ZNF730: variants seen among roughly 807,000 people sequenced by gnomAD.
The protein encoded by ZNF730 is zinc finger protein 730.
In ZNF730, 12 loss-of-function variants were observed where a neutral mutation model predicts 12.6. The observed-to-expected ratio is 0.95, with a 90% confidence interval of 0.61 to 1.54. The LOEUF (loss-of-function observed/expected upper bound fraction) is 1.54, where lower values mean the gene tolerates loss of function less well. Ranked by LOEUF, ZNF730 falls within the 40% of genes most tolerant of loss-of-function variation. The pLI, the probability that ZNF730 is intolerant of heterozygous loss-of-function variation, is 0.00. For synonymous variants in ZNF730, 194 were observed against 195.8 expected (o/e 0.99, Z 0.08); for missense variants, 643 against 583.5 (o/e 1.10, Z -1.05).
intron 2 of ZNF730, among the ~76,000 whole-genome samples, chr19:23,135,211 G>C: frequency 2.0e-5 from 1 of 50,258 alleles, no homozygotes; most frequent in African/African-American, 8.9e-5. Flanking sequence ...AAACACCCAA[G>C]AATGATCAAT....
rs1242713043 is a variant in ZNF730, at chr19:23,134,437, A to AG, written c.130+237dup. On this transcript the variant is annotated intron_variant, in intron 2 of 3. Coordinates refer to ENST00000597761, the MANE Select transcript of ZNF730 (RefSeq NM_001277403.2). Reference sequence around the variant, plus strand: ...GCCGCCCAGTCCGGGAGGGAGGCGGAGGGGGGTCGGCCAGCCGCCCTGTCC... The same window carrying AG: ...GCCGCCCAGTCCGGGAGGGAGGCGGAGGGGGGGTCGGCCAGCCGCCCTGTCC... Among the ~76,000 whole-genome samples, 11 of 114,476 alleles carry AG rather than the reference A, an allele frequency of 9.6e-5. No individual in the cohort carries two copies. In the East Asian group the frequency reaches 2.0e-3, roughly 21 times the overall value. 75.1% of individuals were successfully genotyped at this position (114,476 alleles called of 152,430 possible).
chr19:23,085,750 A>G (rs1205512364), intron 1 of ZNF730, among the ~76,000 whole-genome samples: 1 of 148,660 alleles, frequency 6.7e-6, no homozygotes, highest in African/African-American at 2.5e-5. Context: ...TGCTGACCTC[A>G]GGTGGTCCAC....
intron 1 of ZNF730, among the ~76,000 whole-genome samples, chr19:23,078,187 A>G (rs748748718): frequency 6.6e-6 from 1 of 152,174 alleles, no homozygotes; most frequent in Non-Finnish European, 1.5e-5. Flanking sequence ...AGGATTAGTA[A>G]AAGAGGAAGA....
chr19:23,147,016 G>GT lies in ZNF730; in HGVS notation c.*461dup. On this transcript the variant is annotated 3_prime_UTR_variant, in exon 4 of 4. Transcript: ENST00000597761. The stretch of plus-strand genomic sequence containing the variant: ...CATTAAATTGTTGTCACATTTAATT[G>GT]TAGGTAAGGTGATTCATACTGGAGA... The GT allele has an allele frequency of 3.3e-6, 1 of 306,948 alleles. No homozygotes were observed. Among genetic ancestry groups the GT allele is most frequent in the Non-Finnish European group, 6.2e-6 (1 of 160,446 alleles). The allele number at this position is 306,948 out of a possible 1,614,324, so 19.0% of individuals were successfully genotyped here. A position where few individuals can be genotyped will look rare whatever the true frequency, so the allele number is the denominator to read the frequency against.
upstream of ZNF730, among the ~76,000 whole-genome samples, chr19:23,114,300 C>CTTTTTTTTTT (rs11413226): frequency 0.016 from 1,897 of 119,142 alleles, 112 homozygotes; most frequent in African/African-American, 0.031. Context: ...TTTTCTTTTT[C>CTTTTTTTTTT]TTTTCTTTTT....
At chr19:23,106,791 CAA>C (rs538343920) in intron 1 of ZNF730, among the ~76,000 whole-genome samples, 26 of 63,590 alleles carry the variant, frequency 4.1e-4, no homozygotes, top group Non-Finnish European at 5.0e-4. Flanking sequence ...AACTGCGTCT[CAA>C]AAAAAAAAAA....
intron 1 of ZNF730, among the ~76,000 whole-genome samples, chr19:23,077,719 G>A (rs111244295): frequency 0.012 from 1,776 of 152,208 alleles, 34 homozygotes; most frequent in African/African-American, 0.04. Flanking sequence ...TGGGGTTACA[G>A]GCGTGAGGCA....
At chr19:23,114,882 C>A (rs1419888240), upstream of ZNF730, among the ~76,000 whole-genome samples, 5 of 152,130 alleles carry the variant, frequency 3.3e-5, no homozygotes, top group Non-Finnish European at 7.3e-5. Flanking sequence ...ACCTTCCATA[C>A]TCAAGCCATC....
chr19:23,141,942 A>C (rs982277383), intron 3 of ZNF730, among the ~76,000 whole-genome samples: 4 of 152,310 alleles, frequency 2.6e-5, no homozygotes, highest in Admixed American at 6.5e-5. Context: ...TGCAATATTA[A>C]AGTATACAAT....
intron 1 of ZNF730, among the ~76,000 whole-genome samples, chr19:23,083,537 T>C (rs1388340592): frequency 6.6e-6 from 1 of 152,174 alleles, no homozygotes; most frequent in African/African-American, 2.4e-5. Context: ...CATAAATATT[T>C]ACACTCCCGC....
rs1184953383 is a variant in ZNF730, at chr19:23,126,823, C to G, written c.4-7257C>G. The G allele has an allele frequency of 5.6e-6, 3 of 539,868 alleles. No individual in the cohort carries two copies. In the African/African-American group the frequency reaches 5.8e-5, roughly 10 times the overall value. 33.4% of individuals were successfully genotyped at this position (539,868 alleles called of 1,614,324 possible). On this transcript the variant is annotated intron_variant, in intron 1 of 3. Transcript: ENST00000597761. ...TTTTTTGCTCTTGCTTTATCCAGTG[C>G]TATATTAGCATTTTCATAATCCAGT...
At chr19:23,102,262 CTG>C (rs1337134658) in intron 1 of ZNF730, among the ~76,000 whole-genome samples, 17 of 152,048 alleles carry the variant, frequency 1.1e-4, no homozygotes, top group African/African-American at 3.9e-4. Context: ...TGTGGTGTGA[CTG>C]TACTGTCTGT....
intron 3 of ZNF730, among the ~76,000 whole-genome samples, chr19:23,140,424 AC>A (rs1484893352): frequency 2.6e-5 from 4 of 151,526 alleles, no homozygotes; most frequent in Non-Finnish European, 5.9e-5. Context: ...AGCCTGGCCA[AC>A]ATGGTGAGAC....
At chr19:23,109,614 C>T (rs372647226) in intron 1 of ZNF730, among the ~76,000 whole-genome samples, 30 of 152,158 alleles carry the variant, frequency 2.0e-4, no homozygotes, top group African/African-American at 6.5e-4. Context: ...GTTGGTCAGG[C>T]TGGTTTTGAA....
intron 1 of ZNF730, among the ~76,000 whole-genome samples, chr19:23,124,481 T>G (rs1357234083): frequency 6.6e-6 from 1 of 152,164 alleles, no homozygotes; most frequent in Non-Finnish European, 1.5e-5. Context: ...GCAGTTCCAT[T>G]TTTTATTTAG....
At chr19:23,137,491 G>A (rs533896395) in intron 3 of ZNF730, among the ~76,000 whole-genome samples, 243 of 152,150 alleles carry the variant, frequency 1.6e-3, no homozygotes, top group Middle Eastern at 3.4e-3. Flanking sequence ...TACTGTTTAT[G>A]GTTTTTTATA....
chr19:23,132,868 T>C (rs1599596189), intron 1 of ZNF730, among the ~76,000 whole-genome samples: 1 of 152,246 alleles, frequency 6.6e-6, no homozygotes, highest in South Asian at 2.1e-4. Flanking sequence ...TTAACAATTA[T>C]AGAACATGGG....
chr19:23,124,401 ATTG>A (rs1376787574), intron 1 of ZNF730, among the ~76,000 whole-genome samples: 2 of 152,210 alleles, frequency 1.3e-5, no homozygotes, highest in Non-Finnish European at 2.9e-5. Flanking sequence ...GGAATACAGT[ATTG>A]TTGTCCTTCC....
At chr19:23,102,836 A>G (rs1057023428) in intron 1 of ZNF730, among the ~76,000 whole-genome samples, 1 of 152,136 alleles carries the variant, frequency 6.6e-6, no homozygotes, top group East Asian at 1.9e-4. Context: ...ACCAGCCAAT[A>G]GGAGAGATCC....
Sources: allele counts gnomAD v4.1 joint callset (sites outside exome capture counted in the v4.1 genomes callset), GRCh38; gene constraint gnomAD v4.1.1; transcripts MANE v1.5; gene names NCBI Gene and HGNC (gene_info 2026-07-23, HGNC 2026-07-21).